Variants in EML1 observed in about 807,000 individuals in gnomAD.
EML1 encodes EMAP like 1.
Under a neutral mutation model 110.4 loss-of-function variants are expected in EML1, and 27 were observed. The ratio of observed to expected loss-of-function variants is 0.24; its 90% CI spans 0.18 to 0.34. The LOEUF (loss-of-function observed/expected upper bound fraction) is 0.34, where lower values mean the gene tolerates loss of function less well. EML1 is among the 10% of genes least tolerant of loss of function. EML1 has a pLI of 1.00. For missense variants in EML1, 741 were observed against 1,030.9 expected (o/e 0.72, Z 3.85); for synonymous variants, 344 against 385.8 (o/e 0.89, Z 1.27).
In EML1 at chr14:99,760,083, C is replaced by CAAAAAAAAAAAA. The variant is rs61619098; in HGVS notation, c.28+22242_28+22253dup. ...GGGCAACAAGAGCTAGACTCCCTCTCAAAAAAAAAAAAAAAAAAAAAAAAA... is the reference window on the plus strand; with the variant it reads ...GGGCAACAAGAGCTAGACTCCCTCTCAAAAAAAAAAAAAAAAAAAAAAAAAAAAAAAAAAAAA... On this transcript the variant is annotated intron_variant, in intron 1 of 10. Coordinates refer to the EML1 transcript ENST00000554479. 6.2e-4 allele frequency among the ~76,000 whole-genome samples: 29 copies of CAAAAAAAAAAAA among 47,146 alleles called. 2 individuals are homozygous for CAAAAAAAAAAAA. The highest frequency in any genetic ancestry group is 2.6e-3 in the African/African-American group (26 of 10,182). The allele number at this position is 47,146 out of a possible 152,430, so 30.9% of individuals were successfully genotyped here. A position where few individuals can be genotyped will look rare whatever the true frequency, so the allele number is the denominator to read the frequency against.
intron 17 of EML1, among the ~76,000 whole-genome samples, chr14:99,927,415 C>T (rs1358390855): frequency 2.0e-5 from 3 of 152,064 alleles, no homozygotes; most frequent in East Asian, 1.9e-4. Context: ...TGCTGGATAT[C>T]GAGGCTTGGT....
intron 4 of EML1, among the ~76,000 whole-genome samples, chr14:99,883,895 C>T (rs1390873104): frequency 6.6e-6 from 1 of 152,256 alleles, no homozygotes; most frequent in Non-Finnish European, 1.5e-5. Context: ...ATGCCCAGCA[C>T]ACAGTAGGTG....
chr14:99,914,787 A>G (rs1595475126), intron 15 of EML1, 90 bp downstream of exon 15: 1 of 1,474,024 alleles, frequency 6.8e-7, no homozygotes, highest in Non-Finnish European at 9.0e-7. Flanking sequence ...ACAGTGATAC[A>G]AAGTTGTCCC....
intron 1 of EML1, among the ~76,000 whole-genome samples, chr14:99,741,895 T>C (rs759475566): frequency 1.2e-4 from 18 of 152,030 alleles, no homozygotes; most frequent in Non-Finnish European, 2.4e-4. Flanking sequence ...TGGGAACACC[T>C]CTGAGATGAC....
intron 1 of EML1, among the ~76,000 whole-genome samples, chr14:99,830,158 T>C (rs2058424861): frequency 6.6e-6 from 1 of 152,236 alleles, no homozygotes; most frequent in African/African-American, 2.4e-5. Flanking sequence ...CAATGCTTGT[T>C]ATTTTCATTT....
chr14:99,831,302 C>T (rs1041549064), intron 1 of EML1, among the ~76,000 whole-genome samples: 6 of 152,064 alleles, frequency 3.9e-5, no homozygotes, highest in Admixed American at 1.3e-4. Context: ...ATTGATCATC[C>T]GGTCGTAGTC....
intron 1 of EML1, among the ~76,000 whole-genome samples, chr14:99,767,725 C>A (rs2057381937): frequency 1.3e-5 from 2 of 151,482 alleles, no homozygotes; most frequent in Admixed American, 1.3e-4. Flanking sequence ...AAGCCAAATA[C>A]AAGCCCCCCC....
At chr14:99,811,852 TAAAG>T (rs937000007) in intron 1 of EML1, among the ~76,000 whole-genome samples, 2 of 150,326 alleles carry the variant, frequency 1.3e-5, no homozygotes, top group Non-Finnish European at 3.0e-5. Context: ...AGAAAGAAAA[TAAAG>T]AAAAATCATA....
intron 1 of EML1, among the ~76,000 whole-genome samples, chr14:99,740,501 A>G (rs2057029483): frequency 6.6e-6 from 1 of 152,170 alleles, no homozygotes; most frequent in Non-Finnish European, 1.5e-5. Context: ...GTGTCAGGAA[A>G]ATTCTGCAGA....
At chr14:99,822,583 T>G (rs528596619) in intron 1 of EML1, among the ~76,000 whole-genome samples, 1 of 152,352 alleles carries the variant, frequency 6.6e-6, no homozygotes, top group African/African-American at 2.4e-5. Context: ...TTTTTCATAT[T>G]CATTTATATT....
At chr14:99,901,129 A>G in intron 9 of EML1, 90 bp downstream of exon 9, 1 of 1,082,084 alleles carries the variant, frequency 9.2e-7, no homozygotes, top group South Asian at 1.3e-5. Context: ...GACACACTCG[A>G]TACCTGCCTG....
intron 1 of EML1, among the ~76,000 whole-genome samples, chr14:99,754,787 A>T (rs2057227507): frequency 6.6e-6 from 1 of 152,142 alleles, no homozygotes; most frequent in Admixed American, 6.5e-5. Flanking sequence ...GATGAGGACT[A>T]TGGAGCCCAC....
intron 1 of EML1, among the ~76,000 whole-genome samples, chr14:99,834,324 A>C (rs1020621655): frequency 6.7e-6 from 1 of 148,194 alleles, no homozygotes. Flanking sequence ...TTTTTTTGAG[A>C]CAAAGTCTTG....
intron 4 of EML1, among the ~76,000 whole-genome samples, chr14:99,885,312 C>T (rs1018152685): frequency 9.9e-5 from 15 of 152,210 alleles, no homozygotes; most frequent in African/African-American, 3.6e-4. Flanking sequence ...GCCTGCTGCT[C>T]CTGGGCTACA....
chr14:99,751,226 C>T (rs764548224), intron 1 of EML1, among the ~76,000 whole-genome samples: 1 of 151,888 alleles, frequency 6.6e-6, no homozygotes, highest in Non-Finnish European at 1.5e-5. Flanking sequence ...ACAATGAGAG[C>T]CCCGTGTGCC....
chr14:99,831,591 A>G (rs904704929), intron 1 of EML1, among the ~76,000 whole-genome samples: 2 of 152,166 alleles, frequency 1.3e-5, no homozygotes, highest in African/African-American at 4.8e-5. Context: ...TATGTGGTAT[A>G]CTGGCCTGGA....
At chr14:99,751,693 T>C (rs1179166530) in intron 1 of EML1, among the ~76,000 whole-genome samples, 2 of 152,090 alleles carry the variant, frequency 1.3e-5, no homozygotes, top group Non-Finnish European at 2.9e-5. Context: ...AGGGTGTTCC[T>C]GGCAGAAGAG....
chr14:99,886,009 G>A (rs1024789391), intron 4 of EML1: 1 of 379,100 alleles, frequency 2.6e-6, no homozygotes, highest in African/African-American at 2.1e-5. Context: ...TGAAGCAGTC[G>A]CTTTTGTCCC....
chr14:99,737,738 G>C, exon 1 of EML1: 1 of 1,232,366 alleles, frequency 8.1e-7, no homozygotes. Context: ...GGCTGGACGC[G>C]GAGGAGCCCC....
Sources: gnomAD v4.1 joint callset for allele counts (sites outside exome capture counted in the v4.1 genomes callset) on GRCh38, gnomAD v4.1.1 for gene constraint, MANE v1.5 for transcripts, NCBI Gene and HGNC (gene_info 2026-07-23, HGNC 2026-07-21) for gene names.